The following LIN52 variants were observed in gnomAD, a reference collection of about 807,000 sequenced individuals.
LIN52 encodes the protein protein lin-52 homolog.
A neutral mutation model predicts 18.5 loss-of-function variants in LIN52; 4 were observed. The observed-to-expected ratio is 0.22, with a 90% CI of 0.11 to 0.49. The LOEUF (loss-of-function observed/expected upper bound fraction) is 0.49, where lower values mean the gene tolerates loss of function less well. Among genes scored for constraint, LIN52 ranks in the 20% least tolerant of loss-of-function variants. The pLI is 0.97. For missense variants in LIN52, 102 were observed against 139.5 expected (o/e 0.73, Z 1.35); for synonymous variants, 34 against 45.5 (o/e 0.75, Z 1.02).
rs2078937746 is a variant in LIN52, at chr14:74,200,072, C to T, written c.*1095C>T. On this transcript the variant is annotated 3_prime_UTR_variant, in exon 6 of 6. Coordinates refer to ENST00000555028, the MANE Select transcript of LIN52 (RefSeq NM_001024674.3). Reference sequence around the variant, plus strand: ...CATATTTCTTGTATAAGCCAGTCCCCAGCATCTGATGTTTTGAGAAGTGCA... The same window carrying T: ...CATATTTCTTGTATAAGCCAGTCCCTAGCATCTGATGTTTTGAGAAGTGCA... The T allele has an allele frequency of 6.6e-6, 1 of 151,788 alleles. No homozygotes were observed. Among genetic ancestry groups the T allele is most frequent in the Non-Finnish European group, 1.5e-5 (1 of 67,960 alleles). 9.4% of individuals were successfully genotyped at this position (151,788 alleles called of 1,614,324 possible).
chr14:74,159,420 A>T (rs2061214754), intron 5 of LIN52, among the ~76,000 whole-genome samples: 1 of 152,200 alleles, frequency 6.6e-6, no homozygotes, highest in African/African-American at 2.4e-5. Context: ...GAGTACCATT[A>T]GAATTATCTG....
At chr14:74,112,037 C>T (rs1183004884) in intron 5 of LIN52, among the ~76,000 whole-genome samples, 4 of 151,994 alleles carry the variant, frequency 2.6e-5, no homozygotes, top group East Asian at 1.9e-4. Flanking sequence ...TACGCCACCA[C>T]GCCAGGCTAA....
intron 5 of LIN52, among the ~76,000 whole-genome samples, chr14:74,101,763 T>C (rs2060858126): frequency 6.6e-6 from 1 of 152,086 alleles, no homozygotes; most frequent in Admixed American, 6.5e-5. Flanking sequence ...CCCGGCCGAT[T>C]TTTCTTTATA....
chr14:74,131,765 G>A (rs2061069475), intron 5 of LIN52, among the ~76,000 whole-genome samples: 1 of 152,100 alleles, frequency 6.6e-6, no homozygotes, highest in African/African-American at 2.4e-5. Flanking sequence ...TACTGTTATA[G>A]TCCTTGTCTG....
chr14:74,175,705 G>T (rs895769647), intron 5 of LIN52, among the ~76,000 whole-genome samples: 1 of 48,676 alleles, frequency 2.1e-5, no homozygotes, highest in Admixed American at 2.4e-4. Flanking sequence ...TCTTAACACA[G>T]ACACATACAC....
At chr14:74,189,169 T>C (rs916290768) in intron 5 of LIN52, among the ~76,000 whole-genome samples, 1 of 152,250 alleles carries the variant, frequency 6.6e-6, no homozygotes, top group Non-Finnish European at 1.5e-5. Flanking sequence ...TGTTCTTCTA[T>C]CTTAACCTTA....
chr14:74,196,088 C>T (rs2078910557), intron 5 of LIN52, among the ~76,000 whole-genome samples: 1 of 152,150 alleles, frequency 6.6e-6, no homozygotes, highest in Non-Finnish European at 1.5e-5. Flanking sequence ...TTTCTCTCCT[C>T]CCATGTAGGA....
chr14:74,132,528 G>C (rs900718738), intron 5 of LIN52, among the ~76,000 whole-genome samples: 12 of 152,064 alleles, frequency 7.9e-5, no homozygotes, highest in African/African-American at 2.9e-4. Context: ...GTTGTTTTTT[G>C]AGACGGAGTC....
chr14:74,155,138 C>T (rs988468994), intron 5 of LIN52, among the ~76,000 whole-genome samples: 1 of 152,224 alleles, frequency 6.6e-6, no homozygotes, highest in South Asian at 2.1e-4. Context: ...CAAGCAGCCC[C>T]TCTTCTTCCT....
At position 74,097,841 on chromosome 14, in the gene LIN52, T is replaced by C. The variant is rs1327840794; in HGVS notation, c.180T>C (p.Asp60=). 1 of 1,613,170 alleles carries C rather than the reference T, an allele frequency of 6.2e-7. No homozygotes were observed. Among genetic ancestry groups the C allele is most frequent in the African/African-American group, 1.3e-5 (1 of 74,920 alleles). ...AATGGATGGCTGAGATAGAACGTGA[T>C]GACATCGACATGTTGAAAGGTAAGT... ...PPKWMAEIER[D]DIDMLKELGS... is the part of the protein sequence containing the mutation. Residue 60 remains aspartate, a synonymous_variant, in exon 4 of 6, where the codon GAT becomes GAC. Coordinates refer to ENST00000555028, the MANE Select transcript of LIN52 (RefSeq NM_001024674.3).
Position 74,201,364 on chromosome 14 carries a change from T to C in LIN52, c.*2387T>C, listed in dbSNP as rs1370111282. The stretch of plus-strand genomic sequence containing the variant: ...ATATACTTAATGGATAGTTGGGGGC[T>C]TTACAGTCATCTACTTGGTCTCCTG... On this transcript the variant is annotated 3_prime_UTR_variant, in exon 6 of 6. Transcript: ENST00000555028. The C allele has an allele frequency of 1.3e-5, 2 of 152,168 alleles. No individual in the cohort carries two copies. The highest frequency in any genetic ancestry group is 4.1e-4 in the South Asian group (2 of 4,826). 9.4% of individuals were successfully genotyped at this position (152,168 alleles called of 1,614,324 possible).
intron 5 of LIN52, among the ~76,000 whole-genome samples, chr14:74,126,465 A>G (rs1465108466): frequency 6.6e-6 from 1 of 152,266 alleles, no homozygotes; most frequent in Non-Finnish European, 1.5e-5. Flanking sequence ...CACAAGAGCC[A>G]AAAGGTAGAA....
intron 5 of LIN52, among the ~76,000 whole-genome samples, chr14:74,175,844 G>A (rs1318939023): frequency 6.6e-6 from 1 of 151,916 alleles, no homozygotes; most frequent in Admixed American, 6.6e-5. Context: ...GCCAGGTGCA[G>A]TGGCTCATGC....
At chr14:74,140,377 G>T (rs1566859133) in intron 5 of LIN52, among the ~76,000 whole-genome samples, 1 of 152,078 alleles carries the variant, frequency 6.6e-6, no homozygotes, top group Non-Finnish European at 1.5e-5. Context: ...TCTGTTTATT[G>T]GATAATATAG....
intron 5 of LIN52, among the ~76,000 whole-genome samples, chr14:74,132,870 A>G (rs573240815): frequency 4.5e-4 from 69 of 152,298 alleles, no homozygotes; most frequent in African/African-American, 1.6e-3. Context: ...CCTTAGAACT[A>G]TTTTTATTCC....
chr14:74,104,857 A>G lies in LIN52; in HGVS notation c.283+3619A>G, dbSNP rs572317172. Among the ~76,000 whole-genome samples, 4 of 152,232 alleles carry G rather than the reference A, an allele frequency of 2.6e-5. No individual in the cohort carries two copies. The South Asian group carries it at 6.2e-4, about 24-fold the overall frequency. On this transcript the variant is annotated intron_variant, in intron 5 of 5. Coordinates refer to ENST00000555028, the MANE Select transcript of LIN52 (RefSeq NM_001024674.3). ...ATAAAATGCAGGTGGAACTATGACA[A>G]TCAGATTTATTCATTGTAATATTCT...
At position 74,121,149 on chromosome 14, in the gene LIN52, A is replaced by G. The variant is rs2060997533; in HGVS notation, c.283+19911A>G. ...ACAGTAGATTTTCCCCTTGGAGTCA[A>G]GTTGTAAATTCTATCAGCAGAGCAT... On this transcript the variant is annotated intron_variant, in intron 5 of 5. Coordinates refer to ENST00000555028, the MANE Select transcript of LIN52 (RefSeq NM_001024674.3). 3.9e-5 allele frequency among the ~76,000 whole-genome samples: 6 copies of G among 152,328 alleles called. No individual in the cohort carries two copies. The South Asian group carries it at 1.2e-3, about 32-fold the overall frequency.
At chr14:74,128,942 A>G (rs1306295920) in intron 5 of LIN52, among the ~76,000 whole-genome samples, 1 of 152,116 alleles carries the variant, frequency 6.6e-6, no homozygotes, top group Non-Finnish European at 1.5e-5. Context: ...ACTCTGTCTA[A>G]AAAAACAAAA....
At chr14:74,094,818 C>T (rs2060796697) in intron 2 of LIN52, among the ~76,000 whole-genome samples, 1 of 151,846 alleles carries the variant, frequency 6.6e-6, no homozygotes, top group Non-Finnish European at 1.5e-5. Flanking sequence ...ACCTCCACCT[C>T]CCGGGTTCAA....
Sources: allele counts gnomAD v4.1 joint callset (sites outside exome capture counted in the v4.1 genomes callset), GRCh38; gene constraint gnomAD v4.1.1; transcripts MANE v1.5; gene names NCBI Gene and HGNC (gene_info 2026-07-23, HGNC 2026-07-21).